TUB: variants seen among roughly 807,000 people sequenced by gnomAD.
The protein encoded by TUB is TUB bipartite transcription factor.
In TUB, 33 loss-of-function variants were observed where a neutral mutation model predicts 59.7. The ratio of observed to expected loss-of-function variants is 0.55; its 90% CI spans 0.42 to 0.74. The LOEUF is 0.74. Among genes scored for constraint, TUB ranks in the 30% least tolerant of loss-of-function variants. The pLI is 0.00. For synonymous variants in TUB, 293 were observed against 256.4 expected, an observed-to-expected ratio of 1.14 and a Z score of -1.36; for missense variants, 659 against 672.0, an observed-to-expected ratio of 0.98 and a Z score of 0.21.
At chr11:8,041,767 C>A in intron 2 of TUB, among the ~76,000 whole-genome samples, 1 of 152,310 alleles carries the variant, frequency 6.6e-6, no homozygotes, top group South Asian at 2.1e-4. Flanking sequence ...ACCACCTGGC[C>A]TCTTAGTCTC....
At chr11:8,085,976 C>T (rs1265346107) in intron 1 of TUB, among the ~76,000 whole-genome samples, 2 of 152,176 alleles carry the variant, frequency 1.3e-5, no homozygotes, top group South Asian at 2.1e-4. Context: ...GCTGCCACCT[C>T]GTTGGTGCTG....
chr11:8,097,601 A>C, intron 7 of TUB, 113 bp from the exon 8 acceptor site: 1 of 1,296,336 alleles, frequency 7.7e-7, no homozygotes, highest in Non-Finnish European at 1.1e-6. Flanking sequence ...GTGTGTGTGC[A>C]CATATGTGCG....
Position 8,097,337 on chromosome 11 carries a change from A to G in TUB, c.797A>G (p.Lys266Arg). 6.2e-7 allele frequency: 1 copy of G among 1,614,142 alleles called. No homozygotes were observed. The highest frequency in any genetic ancestry group is 8.5e-7 in the Non-Finnish European group (1 of 1,180,034). ...CCGGCCCCCCAGGGTATCACCATCAAATGCCGCATCACTCGGGACAAGAAA... is the reference window on the plus strand; with the variant it reads ...CCGGCCCCCCAGGGTATCACCATCAGATGCCGCATCACTCGGGACAAGAAA... ...LRPAPQGITI[K>R]CRITRDKKGM... Residue 266 changes from lysine (K) to arginine (R), a missense_variant, in exon 7 of 12, where the codon AAA becomes AGA. This residue lies in a region of TUB where 112 missense variants were observed against 156.9 expected (regional missense o/e 0.71). Coordinates refer to ENST00000299506, the MANE Select transcript of TUB (RefSeq NM_177972.3).
chr11:8,034,600 A>G (rs1354216842), upstream of TUB, among the ~76,000 whole-genome samples: 3 of 152,220 alleles, frequency 2.0e-5, no homozygotes, highest in Non-Finnish European at 4.4e-5. Flanking sequence ...TCAAAACAGT[A>G]ATCCCAGCCT....
In TUB at chr11:8,066,152, G is replaced by C. The variant is rs771501299; in HGVS notation, c.204-23458G>C. On this transcript the variant is annotated intron_variant, in intron 2 of 12. Coordinates refer to the TUB transcript ENST00000305253. ...GTGGGGGCTCCAAGGGTACTGCCAG[G>C]GGAAGAATGGGCACTCTGCAGTTCT... Among the ~76,000 whole-genome samples, 103 of 152,154 alleles carry C rather than the reference G, an allele frequency of 6.8e-4. 1 individual carries two copies. Among genetic ancestry groups the C allele is most frequent in the Non-Finnish European group, 1.3e-4 (9 of 68,022 alleles).
chr11:8,096,620 T>C (rs1046774177), intron 5 of TUB, 65 bp from the exon 6 acceptor site: 13 of 1,057,630 alleles, frequency 1.2e-5, no homozygotes, highest in Admixed American at 1.2e-4. Context: ...TATGTGACCA[T>C]GTGTATTTCA....
At position 8,025,958 on chromosome 11, in the gene TUB, C is replaced by T. The variant is rs184582037; in HGVS notation, c.56+6600C>T. Among the ~76,000 whole-genome samples, 520 of 152,294 alleles carry T rather than the reference C, an allele frequency of 3.4e-3. 3 individuals are homozygous for T. The highest frequency in any genetic ancestry group is 6.1e-3 in the Non-Finnish European group (416 of 68,016). ...TTGTATGAGAGTTCCAATTCCTCTG[C>T]GTTTTTGTGACAGTTGGCACAGCCA... On this transcript the variant is annotated intron_variant, in intron 1 of 11. Transcript: ENST00000534099.
intron 1 of TUB, among the ~76,000 whole-genome samples, chr11:8,031,658 G>T (rs1351449398): frequency 1.3e-5 from 2 of 152,224 alleles, no homozygotes; most frequent in African/African-American, 4.8e-5. Context: ...CATCTTCCTT[G>T]GTCTCACTTT....
intron 3 of TUB, among the ~76,000 whole-genome samples, chr11:8,090,699 C>G (rs182586257): frequency 3.3e-5 from 5 of 152,338 alleles, no homozygotes; most frequent in African/African-American, 1.2e-4. Context: ...ATCCCTCTCT[C>G]TGGCTCACAA....
At chr11:8,055,100 C>T (rs1361670960) in intron 2 of TUB, among the ~76,000 whole-genome samples, 2 of 152,154 alleles carry the variant, frequency 1.3e-5, no homozygotes, top group African/African-American at 2.4e-5. Flanking sequence ...TCAGTCAGGG[C>T]AGCTGTCTGC....
rs1409817401 is a variant in TUB, at chr11:8,103,378, A to C, written c.*1759A>C. 1.3e-5 allele frequency: 2 copies of C among 152,224 alleles called. 1 individual carries two copies. The highest frequency in any genetic ancestry group is 4.8e-5 in the African/African-American group (2 of 41,464). 9.4% of individuals were successfully genotyped at this position (152,224 alleles called of 1,614,324 possible). On this transcript the variant is annotated 3_prime_UTR_variant, in exon 12 of 12. Transcript: ENST00000299506. ...TTGCTTTAGAGTAGATGTTTGGAAA[A>C]GCTAAGTAGAAATTTTTTAAAATAG...
intron 1 of TUB, among the ~76,000 whole-genome samples, chr11:8,024,652 T>C (rs1364936356): frequency 6.6e-6 from 1 of 152,214 alleles, no homozygotes; most frequent in Non-Finnish European, 1.5e-5. Flanking sequence ...AATTTTGTGT[T>C]GAACATCTTG....
Position 8,039,773 on chromosome 11 carries a change from G to A in TUB, c.203+81G>A, listed in dbSNP as rs572499612. 1.8e-5 allele frequency: 23 copies of A among 1,287,244 alleles called. No individual in the cohort carries two copies. In the South Asian group the frequency reaches 1.8e-4, roughly 10 times the overall value. The allele number at this position is 1,287,244 out of a possible 1,614,324, so 79.7% of individuals were successfully genotyped here. On this transcript the variant is annotated intron_variant, in intron 2 of 12. Coordinates refer to the TUB transcript ENST00000305253. ...ACTGTGAGGGAGGTGGGCGGAAGAC[G>A]TGGGTGGCTCAGGGGCCATGAACCC... is the stretch of plus-strand genomic sequence containing the variant.
intron 2 of TUB, among the ~76,000 whole-genome samples, chr11:8,054,007 C>T (rs1338946821): frequency 1.3e-5 from 2 of 151,464 alleles, no homozygotes; most frequent in African/African-American, 4.8e-5. Flanking sequence ...CCCAGCTACT[C>T]GGGAGGCTGA....
chr11:8,029,770 G>T (rs970244454), intron 1 of TUB, among the ~76,000 whole-genome samples: 1 of 152,168 alleles, frequency 6.6e-6, no homozygotes, highest in Non-Finnish European at 1.5e-5. Flanking sequence ...GGAAAGGCCA[G>T]GGTGGAGGGA....
intron 2 of TUB, 34 bp from the exon 3 acceptor site, chr11:8,090,035 G>C: frequency 6.4e-7 from 1 of 1,555,430 alleles, no homozygotes; most frequent in Non-Finnish European, 8.7e-7. Flanking sequence ...TCCTGGTGGA[G>C]GCAGTGGGTC....
intron 8 of TUB, among the ~76,000 whole-genome samples, chr11:8,098,270 G>A: frequency 6.6e-6 from 1 of 152,136 alleles, no homozygotes; most frequent in Non-Finnish European, 1.5e-5. Context: ...GGGCAGTGGG[G>A]AGGTAGGGTT....
At chr11:8,076,810 G>A (rs547025588), upstream of TUB, 8 of 152,222 alleles carry the variant, frequency 5.3e-5, no homozygotes, top group South Asian at 1.0e-3. Context: ...ATGCTTTTGT[G>A]TGTTTGTGTG....
At chr11:8,023,975 A>T (rs554069874) in intron 1 of TUB, among the ~76,000 whole-genome samples, 1 of 152,290 alleles carries the variant, frequency 6.6e-6, no homozygotes, top group African/African-American at 2.4e-5. Context: ...CTCTTCAGTT[A>T]TTCACAGGAT....
Sources: allele counts gnomAD v4.1 joint callset (sites outside exome capture counted in the v4.1 genomes callset), GRCh38; gene constraint gnomAD v4.1.1; regional missense constraint gnomAD v4.1.1; transcripts MANE v1.5; gene names NCBI Gene and HGNC (gene_info 2026-07-23, HGNC 2026-07-21).